SPARCL1: variants seen among roughly 807,000 people sequenced by gnomAD.
The protein encoded by SPARCL1 is SPARC-like protein 1.
SPARCL1 carries 52 observed loss-of-function variants against 67.1 expected under a neutral mutation model. The ratio of observed to expected loss-of-function variants is 0.78; its 90% CI spans 0.62 to 0.98. SPARCL1 has a LOEUF of 0.98. Ranked by LOEUF, SPARCL1 falls within the 50% of genes least tolerant of loss-of-function variation. The pLI is 0.00. For synonymous variants in SPARCL1, 226 were observed against 267.8 expected (o/e 0.84, Z 1.52); for missense variants, 717 against 782.4 (o/e 0.92, Z 1.00).
intron 10 of SPARCL1, among the ~76,000 whole-genome samples, chr4:87,478,988 T>C (rs1340537619): frequency 6.6e-6 from 1 of 152,198 alleles, no homozygotes. Context: ...ATCCAGTCTT[T>C]AGTGTGTTGG....
chr4:87,512,148 G>A (rs1203682540), intron 1 of SPARCL1, among the ~76,000 whole-genome samples: 1 of 151,800 alleles, frequency 6.6e-6, no homozygotes, highest in Non-Finnish European at 1.5e-5. Context: ...TGTATTTTTA[G>A]TAGAGATGGG....
At chr4:87,479,288 G>A in intron 10 of SPARCL1, 142 bp downstream of exon 10, 1 of 786,780 alleles carries the variant, frequency 1.3e-6, no homozygotes, top group African/African-American at 1.7e-5. Context: ...TGCACCAAGG[G>A]AGTCCTATCT....
rs569746435 is a variant in SPARCL1, at chr4:87,499,419, A to C, written c.54+102T>G. 4.6e-4 allele frequency: 435 copies of C among 940,676 alleles called. 3 individuals carry two copies. Among genetic ancestry groups the C allele is most frequent in the Middle Eastern group, 3.7e-3 (17 of 4,626 alleles). The allele number at this position is 940,676 out of a possible 1,614,324, so 58.3% of individuals were successfully genotyped here. On this transcript the variant is annotated intron_variant, in intron 2 of 10. Coordinates refer to ENST00000282470, the MANE Select transcript of SPARCL1 (RefSeq NM_004684.6). ...TAAAGAATATAATTAAAATAAAAAGAGAATTTCAAACCATTATATAAGAAC... is the reference window on the plus strand; with the variant it reads ...TAAAGAATATAATTAAAATAAAAAGCGAATTTCAAACCATTATATAAGAAC...
intron 1 of SPARCL1, among the ~76,000 whole-genome samples, chr4:87,517,963 C>T (rs1275605164): frequency 1.3e-5 from 2 of 152,138 alleles, no homozygotes; most frequent in African/African-American, 4.8e-5. Context: ...AGCATTCAGT[C>T]CCAGCAGAAG....
rs376446939 is a variant in SPARCL1 at position 87,490,749 on chromosome 4, A to G, written c.1410+11T>C. On this transcript the variant is annotated intron_variant, in intron 6 of 10. Transcript: ENST00000282470. ...TGGAGCCACTTAAAGACTATTTTGC[A>G]GAATACTTACTTGATCAAGGGGTTT... is the stretch of plus-strand genomic sequence containing the variant. The G allele has an allele frequency of 9.1e-4, 1,391 of 1,523,514 alleles. 3 individuals carry two copies. The highest frequency in any genetic ancestry group is 2.6e-3 in the Middle Eastern group (15 of 5,808). 94.4% of individuals were successfully genotyped at this position (1,523,514 alleles called of 1,614,324 possible).
intron 1 of SPARCL1, among the ~76,000 whole-genome samples, chr4:87,519,628 A>C (rs1433998450): frequency 1.3e-5 from 2 of 152,178 alleles, no homozygotes; most frequent in Non-Finnish European, 2.9e-5. Context: ...GAAAATTTGC[A>C]AATTTTTTTC....
intron 1 of SPARCL1, among the ~76,000 whole-genome samples, chr4:87,512,490 T>C (rs1425126787): frequency 6.6e-6 from 1 of 152,070 alleles, no homozygotes; most frequent in Non-Finnish European, 1.5e-5. Flanking sequence ...CCTTTGCACA[T>C]TGGAGTTTTT....
chr4:87,522,938 G>A (rs1560456415), intron 1 of SPARCL1, among the ~76,000 whole-genome samples: 1 of 152,130 alleles, frequency 6.6e-6, no homozygotes. Flanking sequence ...ATTTTGAGCA[G>A]CAAAGTACTA....
intron 4 of SPARCL1, among the ~76,000 whole-genome samples, chr4:87,492,528 C>T (rs541572486): frequency 2.4e-4 from 36 of 152,174 alleles, no homozygotes; most frequent in Non-Finnish European, 3.1e-4. Context: ...AGATTTAGTG[C>T]GTTATCTCTG....
At chr4:87,474,060 T>G (rs1211663270) in intron 10 of SPARCL1, among the ~76,000 whole-genome samples, 1 of 152,156 alleles carries the variant, frequency 6.6e-6, no homozygotes, top group Non-Finnish European at 1.5e-5. Context: ...TGCAGGTAAT[T>G]TGGCTGCAGG....
At chr4:87,488,494 T>C (rs1389248496) in intron 7 of SPARCL1, among the ~76,000 whole-genome samples, 1 of 152,160 alleles carries the variant, frequency 6.6e-6, no homozygotes, top group Non-Finnish European at 1.5e-5. Context: ...ACCTGCTAGA[T>C]GCCAGCCAGA....
intron 1 of SPARCL1, among the ~76,000 whole-genome samples, chr4:87,505,869 G>A (rs1218109940): frequency 6.6e-6 from 1 of 151,868 alleles, no homozygotes; most frequent in East Asian, 1.9e-4. Context: ...TTATATTTTA[G>A]ATCAGTATGT....
At chr4:87,528,642 T>C (rs1337528396) in intron 1 of SPARCL1, 2 of 152,150 alleles carry the variant, frequency 1.3e-5, no homozygotes, top group East Asian at 3.9e-4. Context: ...ATGGAAAACA[T>C]ACAAATTATT....
chr4:87,521,639 T>A (rs1725823198), intron 1 of SPARCL1, among the ~76,000 whole-genome samples: 1 of 152,222 alleles, frequency 6.6e-6, no homozygotes, highest in African/African-American at 2.4e-5. Flanking sequence ...TGTTTCAATA[T>A]TTTTGGGTTT....
At chr4:87,515,995 C>T (rs535540768) in intron 1 of SPARCL1, among the ~76,000 whole-genome samples, 1 of 152,250 alleles carries the variant, frequency 6.6e-6, no homozygotes, top group East Asian at 1.9e-4. Flanking sequence ...GGTTTAGTGA[C>T]TTACTTGGCC....
Position 87,495,026 on chromosome 4 carries a change from A to G in SPARCL1, c.156T>C (p.Asn52=), listed in dbSNP as rs766549450. ...CTGTGGATACTGCTGTTTCTTTTTC[A>G]TTTTCTTCAGCTTCAGCCCTTAAAC... ...IPSLRAEAEE[N]EKETAVSTED... The change falls in exon 3 of 11, where the codon AAT becomes AAC. Residue 52 remains asparagine, a synonymous_variant. Coordinates refer to ENST00000282470, the MANE Select transcript of SPARCL1 (RefSeq NM_004684.6). 1 of 1,612,384 alleles carries G rather than the reference A, an allele frequency of 6.2e-7. No individual in the cohort carries two copies. Among genetic ancestry groups the G allele is most frequent in the East Asian group, 2.2e-5 (1 of 44,796 alleles).
chr4:87,517,544 T>C (rs1389937790), intron 1 of SPARCL1, among the ~76,000 whole-genome samples: 1 of 152,248 alleles, frequency 6.6e-6, no homozygotes, highest in East Asian at 1.9e-4. Flanking sequence ...CTCTTCTCCC[T>C]ACCCCTTAAT....
chr4:87,503,293 A>T (rs956121043), intron 1 of SPARCL1, among the ~76,000 whole-genome samples: 1 of 152,166 alleles, frequency 6.6e-6, no homozygotes, highest in African/African-American at 2.4e-5. Context: ...GGAAACTTGC[A>T]TGGGTTCTTC....
intron 4 of SPARCL1, among the ~76,000 whole-genome samples, chr4:87,492,886 G>A (rs144373638): frequency 1.3e-5 from 2 of 152,288 alleles, no homozygotes; most frequent in East Asian, 1.9e-4. Context: ...TTTGGTATGT[G>A]TTTGCTTAAT....
Sources: allele counts gnomAD v4.1 joint callset (sites outside exome capture counted in the v4.1 genomes callset), GRCh38; gene constraint gnomAD v4.1.1; transcripts MANE v1.5; gene names NCBI Gene and HGNC (gene_info 2026-07-23, HGNC 2026-07-21).